Variants in ARHGAP6 observed in about 807,000 individuals in gnomAD.
The protein encoded by ARHGAP6 is rho GTPase-activating protein 6.
Under a neutral mutation model 55.7 loss-of-function variants are expected in ARHGAP6, and 16 were observed. That is an observed-to-expected ratio of 0.29 (90% CI 0.19 to 0.44). The LOEUF is 0.44. Ranked by LOEUF, ARHGAP6 falls within the 20% of genes least tolerant of loss-of-function variation. The probability of loss-of-function intolerance (pLI) is 1.00; values close to 1 mark genes in which losing one functional copy is unlikely to be tolerated. For missense variants in ARHGAP6, 698 were observed against 808.9 expected (o/e 0.86, Z 1.66); for synonymous variants, 382 against 360.9 (o/e 1.06, Z -0.66).
At chrX:11,329,000 T>C (rs1373073304) in intron 1 of ARHGAP6, among the ~76,000 whole-genome samples, 1 of 112,396 alleles carries the variant, frequency 8.9e-6, no homozygotes, top group Non-Finnish European at 1.9e-5. Context: ...ATCAATGTAA[T>C]AATTACAGAG....
Position 11,665,111 on chromosome X carries a change from G to C in ARHGAP6, c.-283C>G. On this transcript the variant is annotated 5_prime_UTR_variant, in exon 1 of 13. Transcript: ENST00000337414. ...CCTCCGGAGCCCAAGACGCGAAGAG[G>C]GTCAGGAAGAGGAGGAGGAAGGTCA... The C allele has an allele frequency of 7.3e-6, 2 of 275,359 alleles. No individual in the cohort carries two copies. Among genetic ancestry groups the C allele is most frequent in the East Asian group, 1.2e-4 (2 of 16,465 alleles). 22.7% of individuals were successfully genotyped at this position (275,359 alleles called of 1,213,427 possible).
chrX:11,495,481 C>T (rs541563679), intron 1 of ARHGAP6, among the ~76,000 whole-genome samples: 2 of 112,110 alleles, frequency 1.8e-5, no homozygotes, highest in South Asian at 7.4e-4. Context: ...CCTGAGTATG[C>T]TCTTTCACAC....
intron 1 of ARHGAP6, among the ~76,000 whole-genome samples, chrX:11,560,748 C>T (rs751933895): frequency 8.9e-6 from 1 of 112,265 alleles, no homozygotes; most frequent in Non-Finnish European, 1.9e-5. Flanking sequence ...TTTTAAACAC[C>T]AGAAAGTCAA....
intron 1 of ARHGAP6, among the ~76,000 whole-genome samples, chrX:11,269,169 C>A (rs2047664947): frequency 9.0e-6 from 1 of 111,286 alleles, no homozygotes; most frequent in Non-Finnish European, 1.9e-5. Context: ...ACCTCACTTT[C>A]CTGAACTTCC....
chrX:11,477,680 A>C (rs2050416831), intron 1 of ARHGAP6, among the ~76,000 whole-genome samples: 1 of 112,162 alleles, frequency 8.9e-6, no homozygotes, highest in African/African-American at 3.2e-5. Flanking sequence ...CAATAAAAAG[A>C]AATTACTGAA....
intron 1 of ARHGAP6, among the ~76,000 whole-genome samples, chrX:11,574,592 AT>A (rs1432954148): frequency 9.1e-6 from 1 of 109,886 alleles, no homozygotes; most frequent in African/African-American, 3.3e-5. Flanking sequence ...AATAAGAGCT[AT>A]CTATGACAAA....
chrX:11,508,233 T>G (rs1250894782), intron 1 of ARHGAP6, among the ~76,000 whole-genome samples: 1 of 110,974 alleles, frequency 9.0e-6, no homozygotes, highest in Non-Finnish European at 1.9e-5. Flanking sequence ...CATAGCTCAC[T>G]GCAACCTTGA....
intron 1 of ARHGAP6, among the ~76,000 whole-genome samples, chrX:11,618,894 T>C (rs749813737): frequency 9.1e-6 from 1 of 109,662 alleles, no homozygotes; most frequent in Non-Finnish European, 1.9e-5. Flanking sequence ...TTCTATAATA[T>C]TTAAATTCAT....
intron 2 of ARHGAP6, among the ~76,000 whole-genome samples, chrX:11,218,970 C>T (rs1314750514): frequency 9.3e-6 from 1 of 107,472 alleles, no homozygotes; most frequent in Non-Finnish European, 1.9e-5. Context: ...ATGTGCCATG[C>T]TGGTGCGCTG....
At chrX:11,202,565 T>C (rs986483907) in intron 2 of ARHGAP6, among the ~76,000 whole-genome samples, 7 of 110,684 alleles carry the variant, frequency 6.3e-5, no homozygotes, top group African/African-American at 2.3e-4. Context: ...CCCAGCACTT[T>C]GGGAGGCCCA....
chrX:11,428,920 G>T (rs1283060708), intron 1 of ARHGAP6, among the ~76,000 whole-genome samples: 2 of 111,671 alleles, frequency 1.8e-5, no homozygotes, highest in Non-Finnish European at 3.8e-5. Flanking sequence ...AAACTGGATG[G>T]TTATATCTGC....
At chrX:11,163,190 G>T (rs5934970) in intron 9 of ARHGAP6, among the ~76,000 whole-genome samples, 1 of 111,608 alleles carries the variant, frequency 9.0e-6, no homozygotes, top group African/African-American at 3.3e-5. Flanking sequence ...GCATAATGCT[G>T]TTCCAAAAAT....
At chrX:11,359,775 A>T (rs185516746) in intron 1 of ARHGAP6, among the ~76,000 whole-genome samples, 11 of 112,063 alleles carry the variant, frequency 9.8e-5, no homozygotes. Context: ...TAATAAAGAA[A>T]AAAAGAGAGA....
chrX:11,599,726 A>G (rs756046289), intron 1 of ARHGAP6, among the ~76,000 whole-genome samples: 2 of 111,648 alleles, frequency 1.8e-5, no homozygotes, highest in Non-Finnish European at 3.8e-5. Context: ...ACTACAGGTA[A>G]CAATAGTGTA....
chrX:11,201,578 C>G (rs868645683), intron 2 of ARHGAP6, among the ~76,000 whole-genome samples: 2 of 110,589 alleles, frequency 1.8e-5, no homozygotes, highest in Admixed American at 1.9e-4. Context: ...AGAACATACC[C>G]GGACTCGGTG....
intron 1 of ARHGAP6, among the ~76,000 whole-genome samples, chrX:11,455,286 C>T (rs2050185735): frequency 8.9e-6 from 1 of 112,056 alleles, no homozygotes; most frequent in African/African-American, 3.2e-5. Context: ...AAATGGTGAC[C>T]TTCTTTTTGC....
In ARHGAP6 at chrX:11,235,545, T is replaced by TC. The variant is rs1353920459; in HGVS notation, c.748+19002dup. 3.6e-5 allele frequency among the ~76,000 whole-genome samples: 4 copies of TC among 111,775 alleles called. No homozygotes were observed. In the Admixed American group the frequency reaches 3.8e-4, roughly 11 times the overall value. Reference sequence around the variant, plus strand: ...AATTTCTGCAGCCAGCTTGAATTTCTCCCCAGAAAATGGGTTTTTCTTTTC... The same window carrying TC: ...AATTTCTGCAGCCAGCTTGAATTTCTCCCCCAGAAAATGGGTTTTTCTTTTC... On this transcript the variant is annotated intron_variant, in intron 2 of 12. Coordinates refer to ENST00000337414, the MANE Select transcript of ARHGAP6 (RefSeq NM_013427.3).
At chrX:11,384,902 C>T (rs1052930292) in intron 1 of ARHGAP6, among the ~76,000 whole-genome samples, 2 of 111,439 alleles carry the variant, frequency 1.8e-5, no homozygotes, top group Non-Finnish European at 3.8e-5. Flanking sequence ...TCCCAGCAAA[C>T]CCTCCAGTCC....
At chrX:11,236,601 T>C (rs1005184973) in intron 2 of ARHGAP6, among the ~76,000 whole-genome samples, 2 of 111,663 alleles carry the variant, frequency 1.8e-5, no homozygotes, top group Admixed American at 9.4e-5. Context: ...GCTCTAAATA[T>C]GCACTGGCAC....
Sources: gnomAD v4.1 joint callset for allele counts (sites outside exome capture counted in the v4.1 genomes callset) on GRCh38, gnomAD v4.1.1 for gene constraint, MANE v1.5 for transcripts, NCBI Gene and HGNC (gene_info 2026-07-23, HGNC 2026-07-21) for gene names.